RANGAP1: variants seen among roughly 807,000 people sequenced by gnomAD.
RANGAP1 encodes Ran GTPase activating protein 1.
Under a neutral mutation model 63.5 loss-of-function variants are expected in RANGAP1, and 38 were observed. The observed-to-expected ratio is 0.60, with a 90% CI of 0.46 to 0.78. The LOEUF (loss-of-function observed/expected upper bound fraction) is 0.78, where lower values mean the gene tolerates loss of function less well. RANGAP1 is among the 30% of genes least tolerant of loss of function. RANGAP1 has a pLI of 0.00. For missense variants in RANGAP1, 630 were observed against 740.3 expected, an observed-to-expected ratio of 0.85 and a Z score of 1.73; for synonymous variants, 329 against 310.5, an observed-to-expected ratio of 1.06 and a Z score of -0.63.
In RANGAP1 at chr22:41,245,658, G is replaced by A. The variant is rs2032981293; in HGVS notation, c.*945C>T. The stretch of plus-strand genomic sequence containing the variant: ...TTGTGAAGCCCCCGGGCACAGCCCA[G>A]ACACACACAGAGCACAAAGGGGAAA... On this transcript the variant is annotated 3_prime_UTR_variant, in exon 16 of 16. Coordinates refer to ENST00000356244, the MANE Select transcript of RANGAP1 (RefSeq NM_002883.4). The A allele has an allele frequency of 6.6e-6, 1 of 152,426 alleles. No individual in the cohort carries two copies. Among genetic ancestry groups the A allele is most frequent in the Non-Finnish European group, 1.5e-5 (1 of 68,202 alleles). The allele number at this position is 152,426 out of a possible 1,614,324, so 9.4% of individuals were successfully genotyped here.
the RANGAP1 span, among the ~76,000 whole-genome samples, chr22:41,300,125 A>C: frequency 5.9e-5 from 9 of 152,062 alleles, no homozygotes; most frequent in East Asian, 1.5e-3. Context: ...TTACCATCTT[A>C]GGCAGCCCAA....
At chr22:41,291,828 G>T in the RANGAP1 span, among the ~76,000 whole-genome samples, 5 of 151,470 alleles carry the variant, frequency 3.3e-5, no homozygotes, top group Non-Finnish European at 7.4e-5. Context: ...GTGAACCTGG[G>T]AGGCGGAGCT....
At chr22:41,289,001 C>T (rs929918921), upstream of RANGAP1, among the ~76,000 whole-genome samples, 1 of 145,466 alleles carries the variant, frequency 6.9e-6, no homozygotes, top group African/African-American at 2.6e-5. Context: ...CAGCTCACTG[C>T]AACCTCCGCC....
the RANGAP1 span, among the ~76,000 whole-genome samples, chr22:41,299,502 T>C: frequency 6.6e-6 from 1 of 151,998 alleles, no homozygotes; most frequent in Non-Finnish European, 1.5e-5. Flanking sequence ...CTCCTAACCT[T>C]AGGTGATCCA....
intron 6 of RANGAP1, among the ~76,000 whole-genome samples, chr22:41,259,480 A>G (rs1267937031): frequency 2.0e-5 from 3 of 152,204 alleles, no homozygotes; most frequent in Non-Finnish European, 4.4e-5. Context: ...AAATCAACTC[A>G]GTTGGAACAG....
chr22:41,293,295 C>T, the RANGAP1 span, among the ~76,000 whole-genome samples: 1 of 151,700 alleles, frequency 6.6e-6, no homozygotes, highest in East Asian at 1.9e-4. Context: ...ATCTGTAATC[C>T]CAGCTACTCA....
intron 13 of RANGAP1, among the ~76,000 whole-genome samples, chr22:41,250,461 A>T (rs2033367226): frequency 6.6e-6 from 1 of 152,114 alleles, no homozygotes; most frequent in Non-Finnish European, 1.5e-5. Context: ...TTAGATGTGG[A>T]GGCTCAGTCA....
intron 3 of RANGAP1, among the ~76,000 whole-genome samples, chr22:41,272,585 A>G (rs1347610545): frequency 4.6e-5 from 7 of 151,488 alleles, no homozygotes; most frequent in Non-Finnish European, 8.8e-5. Context: ...CAGTGGCGTG[A>G]TCTTGGCTCA....
chr22:41,294,024 C>T, the RANGAP1 span, among the ~76,000 whole-genome samples: 1 of 137,198 alleles, frequency 7.3e-6, no homozygotes, highest in African/African-American at 2.7e-5. Context: ...AAATCTACTC[C>T]TCTCCCTCTC....
chr22:41,276,765 C>T (rs993256765), intron 2 of RANGAP1, among the ~76,000 whole-genome samples: 11 of 151,454 alleles, frequency 7.3e-5, no homozygotes, highest in African/African-American at 2.7e-4. Flanking sequence ...ATCGTGAGGT[C>T]AGGAGTTCAG....
intron 3 of RANGAP1, among the ~76,000 whole-genome samples, chr22:41,272,069 G>C (rs568383306): frequency 6.6e-6 from 1 of 152,334 alleles, no homozygotes; most frequent in Admixed American, 6.5e-5. Context: ...TTTCATATAA[G>C]AGCCCAGCCT....
chr22:41,248,913 T>C (rs1382299792), intron 15 of RANGAP1, among the ~76,000 whole-genome samples: 1 of 152,222 alleles, frequency 6.6e-6, no homozygotes, highest in Non-Finnish European at 1.5e-5. Flanking sequence ...CCCTTTGGCC[T>C]GCGCTGCTGT....
intron 3 of RANGAP1, among the ~76,000 whole-genome samples, chr22:41,274,354 T>C (rs2035015092): frequency 6.6e-6 from 1 of 152,352 alleles, no homozygotes; most frequent in Admixed American, 6.5e-5. Flanking sequence ...CTCCCTACTT[T>C]GTCTTTCACA....
At chr22:41,278,129 C>T (rs1051110365) in intron 2 of RANGAP1, among the ~76,000 whole-genome samples, 6 of 151,766 alleles carry the variant, frequency 4.0e-5, no homozygotes, top group South Asian at 2.1e-4. Context: ...CTCCGCCTCC[C>T]GGGTTCAAGC....
intron 2 of RANGAP1, among the ~76,000 whole-genome samples, chr22:41,277,970 C>A (rs189362682): frequency 6.6e-6 from 1 of 152,152 alleles, no homozygotes; most frequent in Admixed American, 6.6e-5. Context: ...ATGGGAGACA[C>A]CACATTCAGC....
Position 41,257,872 on chromosome 22 carries a change from G to T in RANGAP1, c.774+76C>A. The T allele has an allele frequency of 6.7e-7, 1 of 1,489,276 alleles. No homozygotes were observed. 92.3% of individuals were successfully genotyped at this position (1,489,276 alleles called of 1,614,324 possible). A position where few individuals can be genotyped will look rare whatever the true frequency, so the allele number is the denominator to read the frequency against. On this transcript the variant is annotated intron_variant, in intron 7 of 15. Transcript: ENST00000356244. This position sits in a 1 kb window ranked among gnomAD's most constrained non-coding sequence, Gnocchi z 4.0. ...GGTAGAGGAGTCCCTGCTAAACGGA[G>T]CCCCAGCTTCCCTGGAAAGACAGCA...
Position 41,249,755 on chromosome 22 carries a change from G to C in RANGAP1, c.1546C>G (p.Leu516Val). The change falls in exon 14 of 16, where the codon CTG becomes GTG. Residue 516 changes from leucine to valine, a missense_variant. Coordinates refer to ENST00000356244, the MANE Select transcript of RANGAP1 (RefSeq NM_002883.4). ...TTGAGCAGACCCATGTGCACGAGCA[G>C]CCTGGTGAGGAAGGTGTTGGAGTTG... is the stretch of plus-strand genomic sequence containing the variant. ...SFNSNTFLTR[L>V]LVHMGLLKSE... The C allele has an allele frequency of 6.2e-7, 1 of 1,613,956 alleles. No individual in the cohort carries two copies. Among genetic ancestry groups the C allele is most frequent in the African/African-American group, 1.3e-5 (1 of 75,060 alleles).
chr22:41,291,596 T>C, the RANGAP1 span, among the ~76,000 whole-genome samples: 2 of 106,062 alleles, frequency 1.9e-5, no homozygotes, highest in East Asian at 2.8e-4. Context: ...AGATCCATCT[T>C]AAAAAAAAAA....
Position 41,261,491 on chromosome 22 carries a change from G to A in RANGAP1, c.570C>T (p.Asn190=). 1 of 1,614,226 alleles carries A rather than the reference G, an allele frequency of 6.2e-7. No homozygotes were observed. The highest frequency in any genetic ancestry group is 8.5e-7 in the Non-Finnish European group (1 of 1,180,038). The part of the protein sequence containing the change: ...LALKVFVAGR[N]RLENDGATAL... ...CAGTGGCGCCATCATTCTCCAGACGGTTTCTGCCAGCCACAAAGACCTTCA... is the reference window on the plus strand; with the variant it reads ...CAGTGGCGCCATCATTCTCCAGACGATTTCTGCCAGCCACAAAGACCTTCA... Residue 190 remains asparagine (N), a synonymous_variant, in exon 6 of 16, where the codon AAC becomes AAT. Transcript: ENST00000356244.
Sources: gnomAD v4.1 joint callset for allele counts (sites outside exome capture counted in the v4.1 genomes callset) on GRCh38, gnomAD v4.1.1 for gene constraint, Gnocchi (gnomAD v3.1) non-coding constraint, MANE v1.5 for transcripts, NCBI Gene and HGNC (gene_info 2026-07-23, HGNC 2026-07-21) for gene names.